The following CDKN2B-AS1 variants were observed in gnomAD, a reference collection of about 807,000 sequenced individuals.
CDKN2B-AS1 encodes CDKN2B and CDKN2A antisense cis and trans regulatory RNA 1.
chr9:22,053,710 A>G (rs7027048), intron 3 of CDKN2B-AS1, among the ~76,000 whole-genome samples: 88,773 of 151,998 alleles, frequency 0.58, 26,852 homozygotes, highest in African/African-American at 0.7. Flanking sequence ...TCTTATTAAC[A>G]TAACTTCTAA....
intron 4 of CDKN2B-AS1, among the ~76,000 whole-genome samples, chr9:22,099,255 A>C (rs1471019713): frequency 6.6e-6 from 1 of 152,192 alleles, no homozygotes; most frequent in Non-Finnish European, 1.5e-5. Flanking sequence ...GGTAGTAGAG[A>C]GAAAGGAGGC....
At chr9:22,126,797 C>T (rs910473653) in intron 4 of CDKN2B-AS1, among the ~76,000 whole-genome samples, 5 of 152,142 alleles carry the variant, frequency 3.3e-5, no homozygotes, top group Admixed American at 2.0e-4. Flanking sequence ...TGGCCTGGAT[C>T]TCCTGACCTC....
At chr9:22,071,653 A>G (rs769598428) in intron 4 of CDKN2B-AS1, among the ~76,000 whole-genome samples, 5 of 152,094 alleles carry the variant, frequency 3.3e-5, no homozygotes, top group Non-Finnish European at 5.9e-5. Flanking sequence ...TTCAACTTCT[A>G]TGATTCTAAA....
intron 1 of CDKN2B-AS1, among the ~76,000 whole-genome samples, chr9:22,010,674 T>C (rs751614490): frequency 3.3e-5 from 5 of 152,212 alleles, no homozygotes; most frequent in African/African-American, 4.8e-5. Context: ...GAAATCCACC[T>C]GGACAGGGAA....
At chr9:22,114,005 A>T (rs1825870829) in intron 4 of CDKN2B-AS1, among the ~76,000 whole-genome samples, 1 of 152,220 alleles carries the variant, frequency 6.6e-6, no homozygotes, top group Non-Finnish European at 1.5e-5. Context: ...AAATGAAAAT[A>T]CGTCGAGTCC....
chr9:22,010,174 C>T (rs912237695), intron 1 of CDKN2B-AS1, among the ~76,000 whole-genome samples: 1 of 152,168 alleles, frequency 6.6e-6, no homozygotes, highest in Non-Finnish European at 1.5e-5. Context: ...TGGTGCTGGG[C>T]TTGTCATTAA....
intron 4 of CDKN2B-AS1, among the ~76,000 whole-genome samples, chr9:22,074,972 G>A (rs1824438743): frequency 6.6e-6 from 1 of 152,154 alleles, no homozygotes; most frequent in African/African-American, 2.4e-5. Flanking sequence ...ATTTTAGATG[G>A]TACATAGACA....
At chr9:22,086,029 A>G (rs557541702) in intron 4 of CDKN2B-AS1, among the ~76,000 whole-genome samples, 1 of 152,214 alleles carries the variant, frequency 6.6e-6, no homozygotes, top group East Asian at 1.9e-4. Context: ...AGAAGATTCA[A>G]ACTTCCAGAA....
rs1450482211 is a variant in CDKN2B-AS1 at position 22,039,797 on chromosome 9, C to T, written n.30-6954C>T. Among the ~76,000 whole-genome samples the T allele has an allele frequency of 1.3e-5, 2 of 151,848 alleles. No individual in the cohort carries two copies. The highest frequency in any genetic ancestry group is 1.9e-4 in the East Asian group (1 of 5,160). On this transcript the variant is annotated intron_variant and non_coding_transcript_variant, in intron 1 of 4. Transcript: ENST00000650946. This position sits in a 1 kb window ranked among gnomAD's most constrained non-coding sequence, Gnocchi z 4.4. The stretch of plus-strand genomic sequence containing the variant: ...TTTGTTATGGGCTGAATTGTGTTCC[C>T]CCGAAATGACTATGCTGAAGTCCTA...
chr9:22,109,792 C>T (rs1466012606), intron 4 of CDKN2B-AS1, among the ~76,000 whole-genome samples: 1 of 152,038 alleles, frequency 6.6e-6, no homozygotes, highest in Non-Finnish European at 1.5e-5. Flanking sequence ...TTGTGGGGAA[C>T]CTAAAGTGGA....
chr9:22,059,917 T>C (rs1823742997), intron 4 of CDKN2B-AS1, among the ~76,000 whole-genome samples: 1 of 152,208 alleles, frequency 6.6e-6, no homozygotes, highest in African/African-American at 2.4e-5. Context: ...ATTGGCCTCT[T>C]TCAGCCACAG....
intron 1 of CDKN2B-AS1, chr9:22,030,742 G>A (rs1338162492): frequency 6.6e-6 from 1 of 151,608 alleles, no homozygotes; most frequent in Non-Finnish European, 1.5e-5. Flanking sequence ...TTTTTCTTAT[G>A]AGGTAAGTAT....
intron 4 of CDKN2B-AS1, among the ~76,000 whole-genome samples, chr9:22,080,370 A>C (rs1824652470): frequency 6.6e-6 from 1 of 152,330 alleles, no homozygotes; most frequent in East Asian, 1.9e-4. Flanking sequence ...GTTCACTATG[A>C]TCAAGCTGGC....
At chr9:22,019,351 GA>G (rs1336304515) in intron 1 of CDKN2B-AS1, among the ~76,000 whole-genome samples, 2 of 152,188 alleles carry the variant, frequency 1.3e-5, no homozygotes, top group African/African-American at 2.4e-5. Flanking sequence ...TAGTTCAGAG[GA>G]TAGGTTATGG....
At chr9:22,008,804 C>G (rs748216703) in intron 1 of CDKN2B-AS1, 1 of 1,604,886 alleles carries the variant, frequency 6.2e-7, no homozygotes, top group Non-Finnish European at 8.5e-7. Context: ...CTACCTGGAT[C>G]GCGCGCCTCC....
intron 1 of CDKN2B-AS1, among the ~76,000 whole-genome samples, chr9:21,998,908 T>C (rs1820803465): frequency 6.6e-6 from 1 of 152,168 alleles, no homozygotes; most frequent in Non-Finnish European, 1.5e-5. Flanking sequence ...TATTTGATCA[T>C]ATATGTCAAA....
intron 4 of CDKN2B-AS1, among the ~76,000 whole-genome samples, chr9:22,081,012 A>G (rs1204659781): frequency 6.6e-6 from 1 of 152,218 alleles, no homozygotes; most frequent in Non-Finnish European, 1.5e-5. Flanking sequence ...CACTCCGACT[A>G]CCTAGAGTCA....
chr9:22,037,133 G>A (rs937321079), intron 1 of CDKN2B-AS1, among the ~76,000 whole-genome samples: 2 of 152,002 alleles, frequency 1.3e-5, no homozygotes, highest in African/African-American at 2.4e-5. Context: ...CTATTATGGG[G>A]CCTGGCCTAA....
At chr9:22,028,779 G>A (rs554856317) in intron 1 of CDKN2B-AS1, among the ~76,000 whole-genome samples, 3 of 152,246 alleles carry the variant, frequency 2.0e-5, no homozygotes, top group African/African-American at 7.2e-5. Flanking sequence ...CATTTATGCA[G>A]TGTCACTTCA....
Sources: gnomAD v4.1 joint callset for allele counts (sites outside exome capture counted in the v4.1 genomes callset) on GRCh38, gnomAD v4.1.1 for gene constraint, Gnocchi (gnomAD v3.1) non-coding constraint, MANE v1.5 for transcripts, NCBI Gene and HGNC (gene_info 2026-07-23, HGNC 2026-07-21) for gene names.